Variants in BIRC6 observed in about 807,000 individuals in gnomAD.
The protein encoded by BIRC6 is dual E2 ubiquitin-conjugating enzyme/E3 ubiquitin-protein ligase BIRC6.
A neutral mutation model predicts 503.3 loss-of-function variants in BIRC6; 98 were observed. That is an observed-to-expected ratio of 0.19 (90% CI 0.17 to 0.23). The LOEUF (loss-of-function observed/expected upper bound fraction) is 0.23, where lower values mean the gene tolerates loss of function less well. Ranked by LOEUF, BIRC6 falls within the 10% of genes least tolerant of loss-of-function variation. BIRC6 has a pLI of 1.00. For missense variants in BIRC6, 5,360 were observed against 5,806.0 expected, an observed-to-expected ratio of 0.92 and a Z score of 2.50; for synonymous variants, 2,240 against 2,078.7, an observed-to-expected ratio of 1.08 and a Z score of -2.11.
At chr2:32,369,940 AAAAAAATATATATATATATATATATATAT>A (rs1387027999) in intron 1 of BIRC6, among the ~76,000 whole-genome samples, 6 of 50,208 alleles carry the variant, frequency 1.2e-4, no homozygotes, top group African/African-American at 3.2e-4. Context: ...AAAAAAAAAA[AAAAAAATATATATATATATATATATATAT>A]ATATATATAT....
Position 32,415,973 on chromosome 2 carries a change from G to A in BIRC6, c.2682G>A (p.Thr894=), listed in dbSNP as rs144184005. Residue 894 remains threonine, a synonymous_variant, in exon 10 of 74, where the codon ACG becomes ACA. Transcript: ENST00000421745. ...AGAATGGTTTTGAGAGAGAAAAAAC[G>A]TCTGACATTTCTACTCTTGGACACC... ...TSKNGFEREK[T]SDISTLGHLV... is the part of the protein sequence containing the mutation. 14,601 of 1,613,744 alleles carry A rather than the reference G, an allele frequency of 9.0e-3. 102 individuals are homozygous for A. The highest frequency in any genetic ancestry group is 0.011 in the Non-Finnish European group (13,340 of 1,179,754).
At chr2:32,467,284 A>C (rs1373472322) in intron 26 of BIRC6, among the ~76,000 whole-genome samples, 1 of 152,190 alleles carries the variant, frequency 6.6e-6, no homozygotes, top group African/African-American at 2.4e-5. Context: ...GGCACTTGCC[A>C]CTGTGCCCAG....
At chr2:32,422,845 C>A (rs527851783) in intron 10 of BIRC6, among the ~76,000 whole-genome samples, 2 of 152,266 alleles carry the variant, frequency 1.3e-5, no homozygotes, top group African/African-American at 4.8e-5. Context: ...ATAATTTATG[C>A]ATTTTCCTGT....
chr2:32,487,547 A>C, intron 40 of BIRC6, 100 bp from the exon 41 acceptor site: 1 of 1,089,634 alleles, frequency 9.2e-7, no homozygotes, highest in South Asian at 1.9e-5. Flanking sequence ...ATGCAGTTTT[A>C]ATTTTTAAAA....
At chr2:32,380,365 C>T in intron 3 of BIRC6, 75 bp downstream of exon 3, 7 of 1,443,818 alleles carry the variant, frequency 4.8e-6, no homozygotes, top group Non-Finnish European at 6.4e-6. Context: ...CTTTCCTTTC[C>T]TCTCCTTTTG....
chr2:32,607,975 CAAAAAAAAAAAAAAA>C (rs35242178), intron 72 of BIRC6, among the ~76,000 whole-genome samples: 9 of 51,934 alleles, frequency 1.7e-4, no homozygotes, highest in African/African-American at 5.9e-4. Flanking sequence ...ACTCCATCTC[CAAAAAAAAAAAAAAA>C]AAAAAAAAAA....
intron 63 of BIRC6, 94 bp downstream of exon 63, chr2:32,545,954 A>G: frequency 8.8e-7 from 1 of 1,134,458 alleles, no homozygotes; most frequent in Non-Finnish European, 1.3e-6. Flanking sequence ...TCTTTCAGAG[A>G]CTTGGGTGTT....
intron 5 of BIRC6, among the ~76,000 whole-genome samples, 194 bp downstream of exon 5, chr2:32,392,344 T>C (rs2039336933): frequency 6.6e-6 from 1 of 152,158 alleles, no homozygotes. Flanking sequence ...AACCTCCGCC[T>C]CTCAGGTTCA....
chr2:32,480,012 GC>G (rs2050197706), intron 37 of BIRC6, among the ~76,000 whole-genome samples: 1 of 151,298 alleles, frequency 6.6e-6, no homozygotes, highest in South Asian at 2.1e-4. Flanking sequence ...TTATAAATTA[GC>G]ATGTATAATC....
chr2:32,551,908 G>A (rs888343970), intron 65 of BIRC6, among the ~76,000 whole-genome samples: 2 of 152,122 alleles, frequency 1.3e-5, no homozygotes, highest in African/African-American at 2.4e-5. Flanking sequence ...AAGTGTGAGA[G>A]TAGTCCTCAT....
In BIRC6 at chr2:32,468,686, T is replaced by A. The variant is rs747042457; in HGVS notation, c.6030T>A (p.Asn2010Lys). The A allele has an allele frequency of 4.3e-6, 7 of 1,613,964 alleles. No homozygotes were observed. The South Asian group carries it at 7.7e-5, about 18-fold the overall frequency. ...ASRKMLSETS[N>K]PEDLIQTSST... is the part of the protein sequence containing the mutation. ...GGAAGATGTTGAGTGAAACATCAAA[T>A]CCAGAAGATTTAATTCAGACATCTT... The change falls in exon 29 of 74, where the codon AAT becomes AAA. Residue 2010 changes from asparagine (N) to lysine (K), a missense_variant. By Grantham distance (94) the Asn-to-Lys change is moderately conservative. This residue lies in a region of BIRC6 where 2,299 missense variants were observed against 2,267.2 expected (regional missense o/e 1.01). Coordinates refer to ENST00000421745, the MANE Select transcript of BIRC6 (RefSeq NM_016252.4).
chr2:32,425,651 C>A (rs949422860), intron 10 of BIRC6, among the ~76,000 whole-genome samples: 11 of 152,132 alleles, frequency 7.2e-5, no homozygotes, highest in African/African-American at 1.4e-4. Context: ...ACCCTCTCCC[C>A]ACTCTTATCC....
intron 23 of BIRC6, among the ~76,000 whole-genome samples, chr2:32,460,996 TGC>T (rs2047835798): frequency 7.2e-6 from 1 of 138,452 alleles, no homozygotes; most frequent in African/African-American, 2.6e-5. Flanking sequence ...TGCTCTGCTC[TGC>T]TCTCTTCTCT....
chr2:32,414,025 C>T (rs764675999), intron 9 of BIRC6, among the ~76,000 whole-genome samples: 1 of 152,168 alleles, frequency 6.6e-6, no homozygotes, highest in Non-Finnish European at 1.5e-5. Context: ...GGCACGGTGG[C>T]TCATGCCTGT....
At chr2:32,430,143 A>AT (rs1247999047) in intron 11 of BIRC6, among the ~76,000 whole-genome samples, 2 of 152,108 alleles carry the variant, frequency 1.3e-5, no homozygotes, top group African/African-American at 4.8e-5. Flanking sequence ...ACTTGCTGTC[A>AT]TTTTTTTATT....
At position 32,558,252 on chromosome 2, in the gene BIRC6, T is replaced by TACA. The variant is rs747590128; in HGVS notation, c.13144+8771_13144+8772insACA. 9.0e-3 allele frequency among the ~76,000 whole-genome samples: 1,366 copies of TACA among 152,324 alleles called. 10 individuals carry two copies. The highest frequency in any genetic ancestry group is 0.02 in the Middle Eastern group (6 of 294). Reference sequence around the variant, plus strand: ...TGCCATTTACGTATTCTGTATTTACTTAGATACTTAAAAATTTTTACGTAT... The same window carrying TACA: ...TGCCATTTACGTATTCTGTATTTACTACATAGATACTTAAAAATTTTTACGTAT... On this transcript the variant is annotated intron_variant, in intron 65 of 73. Transcript: ENST00000421745.
At chr2:32,401,845 T>G (rs1412664072) in intron 8 of BIRC6, among the ~76,000 whole-genome samples, 1 of 152,198 alleles carries the variant, frequency 6.6e-6, no homozygotes, top group Non-Finnish European at 1.5e-5. Flanking sequence ...TCTATCACAA[T>G]CTATGTCAAT....
chr2:32,410,776 C>G (rs2041776454), intron 9 of BIRC6, among the ~76,000 whole-genome samples: 1 of 151,730 alleles, frequency 6.6e-6, no homozygotes, highest in Admixed American at 6.6e-5. Context: ...TCTCGGCTCA[C>G]TGCAAGCTCC....
intron 32 of BIRC6, 44 bp from the exon 33 acceptor site, chr2:32,473,068 C>T (rs773165046): frequency 6.7e-7 from 1 of 1,484,824 alleles, no homozygotes. Context: ...ACTTTAAAAT[C>T]ACATTTAACA....
Sources: gnomAD v4.1 joint callset for allele counts (sites outside exome capture counted in the v4.1 genomes callset) on GRCh38, gnomAD v4.1.1 for gene constraint, gnomAD v4.1.1 regional missense constraint, MANE v1.5 for transcripts, NCBI Gene and HGNC (gene_info 2026-07-23, HGNC 2026-07-21) for gene names.